ENTPD1: variants seen among roughly 807,000 people sequenced by gnomAD.
ENTPD1 encodes ATP diphosphohydrolase.
In ENTPD1, 33 loss-of-function variants were observed where a neutral mutation model predicts 57.0. The ratio of observed to expected loss-of-function variants is 0.58; its 90% CI spans 0.44 to 0.77. The LOEUF is 0.77. Among genes scored for constraint, ENTPD1 ranks in the 30% least tolerant of loss-of-function variants. ENTPD1 has a pLI of 0.00. For synonymous variants in ENTPD1, 202 were observed against 218.8 expected, an observed-to-expected ratio of 0.92 and a Z score of 0.68; for missense variants, 501 against 603.4, an observed-to-expected ratio of 0.83 and a Z score of 1.78.
At chr10:95,705,277 A>ATGTGTGTGTGTGTGTGTGTG in the ENTPD1 span, among the ~76,000 whole-genome samples, 73 of 150,174 alleles carry the variant, frequency 4.9e-4, no homozygotes, top group Admixed American at 1.3e-3. Context: ...CCAGTAGAAA[A>ATGTGTGTGTGTGTGTGTGTG]TGTGTGTGTG....
chr10:95,858,508 T>C (rs1389314881), intron 7 of ENTPD1, among the ~76,000 whole-genome samples: 2 of 152,158 alleles, frequency 1.3e-5, no homozygotes, highest in East Asian at 1.9e-4. Flanking sequence ...GTTTGTAGGA[T>C]GGGTTGGACT....
chr10:95,706,137 C>G, the ENTPD1 span, among the ~76,000 whole-genome samples: 1 of 152,000 alleles, frequency 6.6e-6, no homozygotes, highest in African/African-American at 2.4e-5. Flanking sequence ...TGATCTAAAG[C>G]AAGATACACA....
At chr10:95,800,247 G>T (rs542688538) in intron 1 of ENTPD1, among the ~76,000 whole-genome samples, 3 of 152,096 alleles carry the variant, frequency 2.0e-5, no homozygotes, top group African/African-American at 4.8e-5. Context: ...ATGTCATCAC[G>T]TATTGGTAGG....
At chr10:95,795,921 C>A (rs1196989347) in intron 1 of ENTPD1, among the ~76,000 whole-genome samples, 3 of 152,104 alleles carry the variant, frequency 2.0e-5, no homozygotes, top group Non-Finnish European at 4.4e-5. Flanking sequence ...GAAAAAATAT[C>A]CCATGGAGTT....
chr10:95,756,608 G>C (rs1268743804), intron 1 of ENTPD1: 1 of 268,526 alleles, frequency 3.7e-6, no homozygotes, highest in African/African-American at 2.2e-5. Flanking sequence ...TCTAGCCTCG[G>C]GTCTGTACCT....
chr10:95,791,842 G>A lies in ENTPD1; in HGVS notation c.17-31395G>A, dbSNP rs2098205357. 6.6e-6 allele frequency among the ~76,000 whole-genome samples: 1 copy of A among 152,128 alleles called. No homozygotes were observed. Among genetic ancestry groups the A allele is most frequent in the Non-Finnish European group, 1.5e-5 (1 of 68,036 alleles). On this transcript the variant is annotated intron_variant, in intron 1 of 9. Transcript: ENST00000371205. This position sits in a 1 kb window ranked among gnomAD's most constrained non-coding sequence, Gnocchi z 4.1. Reference sequence around the variant, plus strand: ...GTCCCCAGGGAACTCTGGAGTGTGTGAACTCTAAGGATCCTTTCAACTTTG... The same window carrying A: ...GTCCCCAGGGAACTCTGGAGTGTGTAAACTCTAAGGATCCTTTCAACTTTG...
At chr10:95,852,038 T>A (rs1460421551) in intron 7 of ENTPD1, among the ~76,000 whole-genome samples, 1 of 152,214 alleles carries the variant, frequency 6.6e-6, no homozygotes, top group Admixed American at 6.5e-5. Flanking sequence ...TAGTTTACAG[T>A]CCCACCAACA....
chr10:95,829,609 G>A (rs950884617), intron 2 of ENTPD1, among the ~76,000 whole-genome samples: 8 of 152,140 alleles, frequency 5.3e-5, no homozygotes, highest in South Asian at 2.1e-4. Flanking sequence ...AGGGTTCTTC[G>A]TACAAATAAT....
chr10:95,754,309 C>CCA (rs2098017227), upstream of ENTPD1: 2 of 54,436 alleles, frequency 3.7e-5, no homozygotes, highest in African/African-American at 6.7e-5. Context: ...ACTCTTGTCT[C>CCA]AAAAAAAAAA....
chr10:95,707,440 C>A (rs1419232749), upstream of ENTPD1, among the ~76,000 whole-genome samples: 1 of 152,194 alleles, frequency 6.6e-6, no homozygotes, highest in African/African-American at 2.4e-5. Flanking sequence ...CCCAGCGGGG[C>A]CTCCCTGCTG....
At chr10:95,833,537 CA>C (rs2098402397) in intron 2 of ENTPD1, 1 of 151,984 alleles carries the variant, frequency 6.6e-6, no homozygotes, top group African/African-American at 2.4e-5. Context: ...ATTAAAGCTA[CA>C]GGAACTTTTA....
chr10:95,845,981 G>T, intron 6 of ENTPD1: 1 of 192,694 alleles, frequency 5.2e-6, no homozygotes, highest in Non-Finnish European at 1.1e-5. Context: ...AAACAGAGTT[G>T]TTAGAAATGA....
chr10:95,826,057 T>G (rs985631113), intron 2 of ENTPD1, among the ~76,000 whole-genome samples: 4 of 152,188 alleles, frequency 2.6e-5, no homozygotes, highest in Non-Finnish European at 4.4e-5. Flanking sequence ...TTGTCTGTGT[T>G]AGGCACTGGG....
At position 95,869,243 on chromosome 10, in the gene ENTPD1, T is replaced by A; in HGVS notation, c.*2860T>A. 3.0e-4 allele frequency: 29 copies of A among 98,264 alleles called. No homozygotes were observed. Among genetic ancestry groups the A allele is most frequent in the Non-Finnish European group, 3.4e-4 (27 of 79,512 alleles). 6.1% of individuals were successfully genotyped at this position (98,264 alleles called of 1,614,324 possible). ...AAAAAGATCAGCAGAAGTCATTACT[T>A]TTTTTTTTTTTTTTTTTTTTTTTTG... On this transcript the variant is annotated 3_prime_UTR_variant, in exon 10 of 10. Transcript: ENST00000371205.
chr10:95,821,217 C>A (rs2098349839), intron 1 of ENTPD1, among the ~76,000 whole-genome samples: 3 of 152,172 alleles, frequency 2.0e-5, no homozygotes, highest in Admixed American at 2.0e-4. Context: ...CTCTCCCATA[C>A]CAGTTTTATC....
intron 1 of ENTPD1, among the ~76,000 whole-genome samples, chr10:95,741,331 C>T (rs2098000078): frequency 6.6e-6 from 1 of 152,148 alleles, no homozygotes; most frequent in Non-Finnish European, 1.5e-5. Context: ...AGACCACAAA[C>T]AGCAGTTATC....
At chr10:95,812,085 A>G (rs2098310670) in intron 1 of ENTPD1, among the ~76,000 whole-genome samples, 1 of 152,236 alleles carries the variant, frequency 6.6e-6, no homozygotes, top group South Asian at 2.1e-4. Context: ...TTGTCAACAT[A>G]TATAATTTCT....
chr10:95,696,115 A>G, the ENTPD1 span, among the ~76,000 whole-genome samples: 15 of 152,176 alleles, frequency 9.9e-5, no homozygotes, highest in African/African-American at 2.9e-4. Context: ...GAGATGAGTG[A>G]TAAGGAAGTA....
upstream of ENTPD1, among the ~76,000 whole-genome samples, chr10:95,752,758 C>T (rs2098014097): frequency 6.6e-6 from 1 of 152,072 alleles, no homozygotes; most frequent in Non-Finnish European, 1.5e-5. Flanking sequence ...TCTCAAACTC[C>T]AGGCCTCCAG....
Sources: allele counts gnomAD v4.1 joint callset (sites outside exome capture counted in the v4.1 genomes callset), GRCh38; gene constraint gnomAD v4.1.1; non-coding constraint Gnocchi (gnomAD v3.1); transcripts MANE v1.5; gene names NCBI Gene and HGNC (gene_info 2026-07-23, HGNC 2026-07-21).